The following FNIP1 variants were observed in gnomAD, a reference collection of about 807,000 sequenced individuals.
The protein encoded by FNIP1 is folliculin-interacting protein 1.
A neutral mutation model predicts 124.5 loss-of-function variants in FNIP1; 40 were observed. The observed-to-expected ratio is 0.32, with a 90% confidence interval of 0.25 to 0.42. The LOEUF is 0.42. Among genes scored for constraint, FNIP1 ranks in the 10% least tolerant of loss-of-function variants. The probability of loss-of-function intolerance (pLI) is 1.00; values close to 1 mark genes in which losing one functional copy is unlikely to be tolerated. For synonymous variants in FNIP1, 472 were observed against 470.6 expected (o/e 1.00, Z -0.04); for missense variants, 1,176 against 1,403.7 (o/e 0.84, Z 2.59).
rs1276227870 is a variant in FNIP1 at position 131,671,900 on chromosome 5, A to C, written c.2544T>G (p.Thr848=). 1 of 1,614,074 alleles carries C rather than the reference A, an allele frequency of 6.2e-7. No homozygotes were observed. Among genetic ancestry groups the C allele is most frequent in the Non-Finnish European group, 8.5e-7 (1 of 1,180,054 alleles). The stretch of plus-strand genomic sequence containing the variant: ...TTGTTTTAAATGGAACATCATCAAT[A>C]GTCCTGGTTTCGATTGAATCATCAT... ...YFNDDSIETR[T]IDDVPFKTST... is the part of the protein sequence containing the mutation. The change falls in exon 14 of 18, where the codon ACT becomes ACG. Residue 848 remains threonine, a synonymous_variant. Coordinates refer to ENST00000510461, the MANE Select transcript of FNIP1 (RefSeq NM_133372.3).
At chr5:131,758,072 T>C (rs1771107822) in intron 1 of FNIP1, among the ~76,000 whole-genome samples, 1 of 152,150 alleles carries the variant, frequency 6.6e-6, no homozygotes, top group African/African-American at 2.4e-5. Context: ...TATAGACACA[T>C]GAAATTAACG....
rs950673330 is a variant in FNIP1, at chr5:131,668,863, T to C, written c.3108+1600A>G. Among the ~76,000 whole-genome samples the C allele has an allele frequency of 1.2e-4, 19 of 152,294 alleles. No individual in the cohort carries two copies. The East Asian group carries it at 2.9e-3, about 23-fold the overall frequency. ...CTTCATCTATAAAAAGCAGGACAAT[T>C]TGGCCCACTGTCCATAGCTTGCTAA... On this transcript the variant is annotated intron_variant, in intron 15 of 17. Transcript: ENST00000510461.
intron 9 of FNIP1, among the ~76,000 whole-genome samples, chr5:131,705,452 C>T (rs1220218978): frequency 1.3e-5 from 2 of 151,668 alleles, no homozygotes; most frequent in African/African-American, 4.9e-5. Context: ...CCAGCCTGGG[C>T]GACTCAAAAG....
rs145267306 is a variant in FNIP1 at position 131,714,663 on chromosome 5, T to C, written c.622+1902A>G. 3.3e-5 allele frequency among the ~76,000 whole-genome samples: 5 copies of C among 152,356 alleles called. No individual in the cohort carries two copies. The East Asian group carries it at 7.7e-4, about 23-fold the overall frequency. On this transcript the variant is annotated intron_variant, in intron 6 of 17. Coordinates refer to ENST00000510461, the MANE Select transcript of FNIP1 (RefSeq NM_133372.3). ...CCTAGGTCTGTGTACGTACCACTGCTTCTTCATAGAACATTTCTTCCCCTA... is the reference window on the plus strand; with the variant it reads ...CCTAGGTCTGTGTACGTACCACTGCCTCTTCATAGAACATTTCTTCCCCTA...
chr5:131,661,269 G>A (rs917932222), intron 15 of FNIP1, among the ~76,000 whole-genome samples: 2 of 144,494 alleles, frequency 1.4e-5, no homozygotes, highest in South Asian at 4.3e-4. Context: ...CATCTAGAGG[G>A]GATCTCTAAA....
At chr5:131,776,731 A>G (rs1388891242) in intron 1 of FNIP1, among the ~76,000 whole-genome samples, 3 of 152,216 alleles carry the variant, frequency 2.0e-5, no homozygotes, top group African/African-American at 7.2e-5. Flanking sequence ...TTATACTGTT[A>G]GAAGTGAGGA....
chr5:131,760,741 T>G (rs572259045), intron 1 of FNIP1, among the ~76,000 whole-genome samples: 8 of 152,114 alleles, frequency 5.3e-5, no homozygotes, highest in Non-Finnish European at 1.2e-4. Flanking sequence ...ACCATTAACA[T>G]CCTATGCTCC....
chr5:131,719,657 T>C (rs534860052), intron 3 of FNIP1, among the ~76,000 whole-genome samples: 1 of 152,360 alleles, frequency 6.6e-6, no homozygotes, highest in South Asian at 2.1e-4. Flanking sequence ...TTTTATTGTA[T>C]GAAAATACTA....
intron 11 of FNIP1, among the ~76,000 whole-genome samples, chr5:131,683,323 C>G (rs1303931638): frequency 6.6e-6 from 1 of 151,628 alleles, no homozygotes; most frequent in Non-Finnish European, 1.5e-5. Context: ...CCGAGGCAGG[C>G]AGATCACGAG....
At chr5:131,792,579 G>A (rs1772443176) in intron 1 of FNIP1, among the ~76,000 whole-genome samples, 1 of 152,172 alleles carries the variant, frequency 6.6e-6, no homozygotes, top group African/African-American at 2.4e-5. Context: ...TAAAGAATCA[G>A]AATAAATGTT....
At chr5:131,715,848 AAATT>A (rs1314831477) in intron 6 of FNIP1, among the ~76,000 whole-genome samples, 7 of 151,938 alleles carry the variant, frequency 4.6e-5, no homozygotes, top group African/African-American at 1.7e-4. Flanking sequence ...ATATTTATTA[AAATT>A]AATTATAAAT....
chr5:131,706,663 C>A, intron 8 of FNIP1, 117 bp from the exon 9 acceptor site: 1 of 1,035,422 alleles, frequency 9.7e-7, no homozygotes. Context: ...TCATGAGCCT[C>A]AAAAATGTTC....
At chr5:131,732,722 G>C (rs967410107) in intron 2 of FNIP1, among the ~76,000 whole-genome samples, 10 of 152,126 alleles carry the variant, frequency 6.6e-5, no homozygotes, top group African/African-American at 2.4e-4. Flanking sequence ...TGCTGTTTTG[G>C]TTACTGTAGC....
chr5:131,674,023 C>T (rs982962611), intron 13 of FNIP1, among the ~76,000 whole-genome samples: 5 of 151,440 alleles, frequency 3.3e-5, no homozygotes, highest in African/African-American at 1.2e-4. Context: ...GCAACAAGAG[C>T]AAGACTCCGT....
At chr5:131,680,664 T>C (rs918391084) in intron 11 of FNIP1, among the ~76,000 whole-genome samples, 3 of 152,186 alleles carry the variant, frequency 2.0e-5, no homozygotes, top group Admixed American at 6.5e-5. Context: ...CTCACACCTG[T>C]AATCCCAGCT....
intron 1 of FNIP1, among the ~76,000 whole-genome samples, chr5:131,772,735 C>A (rs1008652759): frequency 6.6e-6 from 1 of 152,168 alleles, no homozygotes; most frequent in Non-Finnish European, 1.5e-5. Context: ...ATCCTCTTCT[C>A]CCAGATATGG....
intron 2 of FNIP1, among the ~76,000 whole-genome samples, chr5:131,731,662 A>C (rs893312637): frequency 1.6e-4 from 24 of 151,916 alleles, no homozygotes; most frequent in South Asian, 2.1e-4. Flanking sequence ...ACAAAAAAAA[A>C]CCCAAACAAA....
At chr5:131,740,276 A>G (rs1770470508) in intron 2 of FNIP1, among the ~76,000 whole-genome samples, 1 of 152,242 alleles carries the variant, frequency 6.6e-6, no homozygotes, top group African/African-American at 2.4e-5. Flanking sequence ...TATTGAGCTT[A>G]CTGATTTCTG....
intron 13 of FNIP1, among the ~76,000 whole-genome samples, chr5:131,674,885 G>C (rs189871038): frequency 7.4e-4 from 113 of 152,180 alleles, no homozygotes; most frequent in South Asian, 6.2e-3. Context: ...ATAAGCTATA[G>C]ATACTATTAT....
Sources: gnomAD v4.1 joint callset for allele counts (sites outside exome capture counted in the v4.1 genomes callset) on GRCh38, gnomAD v4.1.1 for gene constraint, MANE v1.5 for transcripts, NCBI Gene and HGNC (gene_info 2026-07-23, HGNC 2026-07-21) for gene names.